Variants in MAGI2 observed in about 807,000 individuals in gnomAD.
MAGI2 encodes the protein membrane associated guanylate kinase, WW and PDZ domain containing 2.
Under a neutral mutation model 133.3 loss-of-function variants are expected in MAGI2, and 35 were observed. The observed-to-expected ratio is 0.26, with a 90% CI of 0.20 to 0.35. The LOEUF (loss-of-function observed/expected upper bound fraction) is 0.35, where lower values mean the gene tolerates loss of function less well. Among genes scored for constraint, MAGI2 ranks in the 10% least tolerant of loss-of-function variants. The pLI, the probability that MAGI2 is intolerant of heterozygous loss-of-function variation, is 1.00. For synonymous variants in MAGI2, 729 were observed against 710.6 expected, an observed-to-expected ratio of 1.03 and a Z score of -0.41; for missense variants, 1,636 against 1,863.4, an observed-to-expected ratio of 0.88 and a Z score of 2.25.
At chr7:79,311,574 C>T (rs539638438) in intron 1 of MAGI2, among the ~76,000 whole-genome samples, 2 of 152,128 alleles carry the variant, frequency 1.3e-5, no homozygotes, top group South Asian at 4.2e-4. Context: ...CCACCACCTG[C>T]CCCTATTTCC....
At chr7:78,668,455 T>C (rs1449478225) in intron 2 of MAGI2, among the ~76,000 whole-genome samples, 3 of 151,148 alleles carry the variant, frequency 2.0e-5, no homozygotes, top group Non-Finnish European at 4.4e-5. Flanking sequence ...GTTTTAGACA[T>C]GAAGTCCTTG....
At chr7:78,673,378 G>A (rs1814623154) in intron 2 of MAGI2, among the ~76,000 whole-genome samples, 1 of 151,870 alleles carries the variant, frequency 6.6e-6, no homozygotes, top group Admixed American at 6.6e-5. Context: ...TGAAGGTTGA[G>A]AGGTCTCAAG....
intron 2 of MAGI2, among the ~76,000 whole-genome samples, chr7:78,825,034 G>T (rs193106626): frequency 1.3e-5 from 2 of 152,252 alleles, no homozygotes; most frequent in Admixed American, 1.3e-4. Context: ...CATGGACACA[G>T]GGAGGGGAAC....
intron 6 of MAGI2, among the ~76,000 whole-genome samples, chr7:78,389,626 C>T (rs1291766289): frequency 1.3e-5 from 2 of 152,092 alleles, no homozygotes; most frequent in Non-Finnish European, 2.9e-5. Context: ...ATATTAATAC[C>T]TTTGTTGTGA....
chr7:78,037,470 C>A (rs943537950), intron 21 of MAGI2, among the ~76,000 whole-genome samples: 3 of 152,150 alleles, frequency 2.0e-5, no homozygotes, highest in Non-Finnish European at 4.4e-5. Context: ...TTTATTTCTG[C>A]GAACAGTCCC....
In MAGI2 at chr7:78,650,804, G is replaced by A. The variant is rs118113206; in HGVS notation, c.419-23565C>T. ...TCCAAATATGTTGAAAGAAAATTAA[G>A]TGCTACTCGGCTGTAAGTAGTATTC... On this transcript the variant is annotated intron_variant, in intron 2 of 21. Coordinates refer to ENST00000354212, the MANE Select transcript of MAGI2 (RefSeq NM_012301.4). Among the ~76,000 whole-genome samples the A allele has an allele frequency of 4.2e-3, 641 of 152,242 alleles. 2 individuals carry two copies. Among genetic ancestry groups the A allele is most frequent in the Admixed American group, 5.5e-3 (84 of 15,282 alleles).
intron 1 of MAGI2, among the ~76,000 whole-genome samples, chr7:79,040,780 C>T (rs1024052748): frequency 2.0e-5 from 3 of 152,128 alleles, no homozygotes; most frequent in Non-Finnish European, 4.4e-5. Context: ...GCCTGCTTCT[C>T]CTTTGCCTTC....
At chr7:78,270,577 G>A (rs1794464777) in intron 9 of MAGI2, among the ~76,000 whole-genome samples, 1 of 152,248 alleles carries the variant, frequency 6.6e-6, no homozygotes. Flanking sequence ...TGTTATTGGT[G>A]TATAGGAATG....
At chr7:78,560,142 T>A (rs1800256411) in intron 3 of MAGI2, among the ~76,000 whole-genome samples, 1 of 152,092 alleles carries the variant, frequency 6.6e-6, no homozygotes. Flanking sequence ...AGAAAAAATT[T>A]ACTGAGAGGA....
intron 1 of MAGI2, among the ~76,000 whole-genome samples, chr7:79,148,597 T>A (rs1008751773): frequency 1.1e-4 from 16 of 152,086 alleles, no homozygotes; most frequent in Non-Finnish European, 1.9e-4. Context: ...GTCTGTGTAA[T>A]CCTTTGTCCC....
chr7:78,070,472 G>GTA (rs1226244391), intron 21 of MAGI2, among the ~76,000 whole-genome samples: 1 of 146,226 alleles, frequency 6.8e-6, no homozygotes, highest in South Asian at 2.2e-4. Context: ...ATATATGTGT[G>GTA]TATATATATG....
chr7:78,648,676 G>C (rs527809907), intron 2 of MAGI2, among the ~76,000 whole-genome samples: 2 of 152,338 alleles, frequency 1.3e-5, no homozygotes, highest in African/African-American at 2.4e-5. Context: ...TGCTTGTCAA[G>C]TGATTTTAAT....
At chr7:79,039,801 A>ATATATATATG (rs1433558236) in intron 1 of MAGI2, among the ~76,000 whole-genome samples, 1 of 148,288 alleles carries the variant, frequency 6.7e-6, no homozygotes, top group African/African-American at 2.5e-5. Context: ...ATATACACAT[A>ATATATATATG]TGTATACACA....
intron 1 of MAGI2, among the ~76,000 whole-genome samples, chr7:79,442,245 C>G (rs950422799): frequency 6.6e-6 from 1 of 152,090 alleles, no homozygotes; most frequent in African/African-American, 2.4e-5. Context: ...TTCATGGACT[C>G]TCATAATCAG....
At chr7:78,505,919 AGGCTCTG>A (rs1385019559) in intron 4 of MAGI2, among the ~76,000 whole-genome samples, 1 of 68,156 alleles carries the variant, frequency 1.5e-5, no homozygotes, top group Non-Finnish European at 2.7e-5. Flanking sequence ...GGATTAAGTG[AGGCTCTG>A]AAGGTAAGGG....
intron 2 of MAGI2, among the ~76,000 whole-genome samples, chr7:78,665,188 G>C (rs535888624): frequency 6.6e-6 from 1 of 151,962 alleles, no homozygotes; most frequent in African/African-American, 2.4e-5. Flanking sequence ...TACTACCTAC[G>C]ATTATAAGTA....
chr7:78,957,596 T>C (rs1221716365), intron 2 of MAGI2, among the ~76,000 whole-genome samples: 1 of 152,132 alleles, frequency 6.6e-6, no homozygotes, highest in Non-Finnish European at 1.5e-5. Flanking sequence ...GACCAAAACC[T>C]GTTTGAAATG....
At chr7:78,411,861 T>C (rs1318985609) in intron 6 of MAGI2, among the ~76,000 whole-genome samples, 1 of 152,058 alleles carries the variant, frequency 6.6e-6, no homozygotes. Context: ...AGAAAGGAAC[T>C]AATATTCCAA....
chr7:78,139,597 A>C (rs1822534691), intron 16 of MAGI2, among the ~76,000 whole-genome samples: 1 of 152,220 alleles, frequency 6.6e-6, no homozygotes, highest in South Asian at 2.1e-4. Context: ...AGCACAGTCC[A>C]TTTAGACAGC....
Sources: allele counts gnomAD v4.1 joint callset (sites outside exome capture counted in the v4.1 genomes callset), GRCh38; gene constraint gnomAD v4.1.1; transcripts MANE v1.5; gene names NCBI Gene and HGNC (gene_info 2026-07-23, HGNC 2026-07-21).